LRRIQ1: variants seen among roughly 807,000 people sequenced by gnomAD.
LRRIQ1 encodes leucine-rich repeat- and IQ domain-containing protein 1.
Under a neutral mutation model 211.9 loss-of-function variants are expected in LRRIQ1, and 210 were observed. The observed-to-expected ratio is 0.99, with a 90% CI of 0.89 to 1.11. The LOEUF is 1.11. LRRIQ1 is among the 50% of genes most tolerant of loss of function. The pLI is 0.00. For missense variants in LRRIQ1, 2,136 were observed against 1,939.5 expected, an observed-to-expected ratio of 1.10 and a Z score of -1.90; for synonymous variants, 699 against 650.1, an observed-to-expected ratio of 1.08 and a Z score of -1.14.
intron 19 of LRRIQ1, among the ~76,000 whole-genome samples, chr12:85,139,992 TCTC>T (rs1394428388): frequency 1.4e-5 from 2 of 143,410 alleles, no homozygotes; most frequent in South Asian, 2.2e-4. Flanking sequence ...AGCTATTTAT[TCTC>T]AGGAAAAAAA....
chr12:85,063,113 C>A (rs1882034605), intron 8 of LRRIQ1, among the ~76,000 whole-genome samples: 1 of 151,584 alleles, frequency 6.6e-6, no homozygotes, highest in Admixed American at 6.6e-5. Context: ...TTGTCCGGTG[C>A]ATAGTCTACA....
intron 5 of LRRIQ1, among the ~76,000 whole-genome samples, chr12:85,047,014 AG>A (rs1879674773): frequency 1.1e-5 from 1 of 95,094 alleles, no homozygotes; most frequent in African/African-American, 3.8e-5. Flanking sequence ...GGGTTGGGGG[AG>A]GGGGGAGGGA....
chr12:85,056,063 A>G lies in LRRIQ1; in HGVS notation c.1270A>G (p.Lys424Glu). The change falls in exon 8 of 27, where the codon AAA becomes GAA. Residue 424 changes from lysine (K) to glutamate (E), a missense_variant. Coordinates refer to ENST00000393217, the MANE Select transcript of LRRIQ1 (RefSeq NM_001079910.2). Reference sequence around the variant, plus strand: ...TTCAAATGATAAGGGTGATATAGCCAAAAATCTAGTGGATGAAAATTCAAA... The same window carrying G: ...TTCAAATGATAAGGGTGATATAGCCGAAAATCTAGTGGATGAAAATTCAAA... ...DISNDKGDIA[K>E]NLVDENSKKQ... 1 of 1,596,068 alleles carries G rather than the reference A, an allele frequency of 6.3e-7. No homozygotes were observed. The highest frequency in any genetic ancestry group is 8.5e-7 in the Non-Finnish European group (1 of 1,175,190).
In LRRIQ1 at chr12:85,147,318, C is replaced by T. The variant is rs188865260; in HGVS notation, c.4330-4962C>T. 2.6e-3 allele frequency among the ~76,000 whole-genome samples: 391 copies of T among 151,872 alleles called. 4 individuals carry two copies. The highest frequency in any genetic ancestry group is 9.3e-3 in the African/African-American group (384 of 41,508). The stretch of plus-strand genomic sequence containing the variant: ...CTATAAGACAAATGAGAAAATTTTT[C>T]AGGAATCACAAGTCTGATATAAAAA... On this transcript the variant is annotated intron_variant, in intron 19 of 26. Transcript: ENST00000393217.
intron 24 of LRRIQ1, among the ~76,000 whole-genome samples, chr12:85,193,747 G>A (rs966154678): frequency 6.6e-6 from 1 of 151,090 alleles, no homozygotes; most frequent in Admixed American, 6.6e-5. Flanking sequence ...ATCGAGACTA[G>A]GAAGAAACTG....
chr12:85,111,973 C>G (rs1180673757), intron 15 of LRRIQ1, among the ~76,000 whole-genome samples: 2 of 138,120 alleles, frequency 1.4e-5, no homozygotes, highest in African/African-American at 5.0e-5. Context: ...CACACACTCT[C>G]TCTCTCAATT....
At chr12:85,110,353 T>C (rs1339310573) in intron 15 of LRRIQ1, among the ~76,000 whole-genome samples, 2 of 152,146 alleles carry the variant, frequency 1.3e-5, no homozygotes, top group African/African-American at 4.8e-5. Flanking sequence ...ATTCACTCTG[T>C]GCTCAACACT....
downstream of LRRIQ1, among the ~76,000 whole-genome samples, chr12:85,269,438 C>T (rs927733685): frequency 4.6e-5 from 7 of 151,966 alleles, no homozygotes; most frequent in Non-Finnish European, 1.0e-4. Flanking sequence ...GAAGTCTCTA[C>T]TTAATGGGTA....
chr12:85,113,504 A>G (rs996268451), intron 15 of LRRIQ1, among the ~76,000 whole-genome samples: 1 of 152,134 alleles, frequency 6.6e-6, no homozygotes, highest in Non-Finnish European at 1.5e-5. Flanking sequence ...TGCTTCGGTT[A>G]CATAGTACCA....
At chr12:85,139,270 A>G (rs563353048) in intron 19 of LRRIQ1, among the ~76,000 whole-genome samples, 2 of 151,518 alleles carry the variant, frequency 1.3e-5, no homozygotes, top group African/African-American at 2.4e-5. Flanking sequence ...CAAAAAGGGC[A>G]TCAACTGTAG....
rs1592786308 is a variant in LRRIQ1 at position 85,095,612 on chromosome 12, G to A, written c.2888-2743G>A. On this transcript the variant is annotated intron_variant, in intron 11 of 26. Coordinates refer to ENST00000393217, the MANE Select transcript of LRRIQ1 (RefSeq NM_001079910.2). ...GTTGTTCTGTCACTGCCAGATTTTG[G>A]TATTAGAGTGATGCTGGCTTCATAA... Among the ~76,000 whole-genome samples, 3 of 152,088 alleles carry A rather than the reference G, an allele frequency of 2.0e-5. No individual in the cohort carries two copies. The South Asian group carries it at 6.2e-4, about 32-fold the overall frequency.
chr12:85,186,530 T>G (rs747352025), intron 24 of LRRIQ1, among the ~76,000 whole-genome samples: 6 of 152,160 alleles, frequency 3.9e-5, no homozygotes, highest in African/African-American at 7.2e-5. Flanking sequence ...CATAGATTTG[T>G]CAGCCCCTTT....
At chr12:85,200,090 C>G (rs573537241) in intron 24 of LRRIQ1, among the ~76,000 whole-genome samples, 3 of 152,224 alleles carry the variant, frequency 2.0e-5, no homozygotes, top group African/African-American at 7.2e-5. Flanking sequence ...ATTGATTCTT[C>G]CTATGCATGA....
At chr12:85,137,781 A>G in intron 18 of LRRIQ1, 69 bp from the exon 19 acceptor site, 1 of 1,340,020 alleles carries the variant, frequency 7.5e-7, no homozygotes, top group Non-Finnish European at 1.0e-6. Flanking sequence ...TCCTAATGGG[A>G]TAACACAGAT....
At chr12:85,076,652 C>A in intron 11 of LRRIQ1, 1 of 447,376 alleles carries the variant, frequency 2.2e-6, no homozygotes, top group Non-Finnish European at 3.0e-6. Flanking sequence ...ATTGCTGTGT[C>A]GTGGCTCATA....
chr12:85,174,275 A>T (rs1891571107), intron 24 of LRRIQ1, among the ~76,000 whole-genome samples: 1 of 152,078 alleles, frequency 6.6e-6, no homozygotes, highest in Non-Finnish European at 1.5e-5. Context: ...AAATAAAAAA[A>T]ACTTGGCAGA....
In LRRIQ1 at chr12:85,038,212, A is replaced by G. The variant is rs1878420950; in HGVS notation, c.36A>G (p.Ile12Met). 1.9e-6 allele frequency: 3 copies of G among 1,582,904 alleles called. No homozygotes were observed. Among genetic ancestry groups the G allele is most frequent in the Admixed American group, 1.8e-5 (1 of 56,750 alleles). The stretch of plus-strand genomic sequence containing the variant: ...ATGATGCAAAGCTCAAAGCAGAAAT[A>G]GAAGCTGAATTGGATAAACTCAGCA... ...DDDDAKLKAEIEAELDKLSIS... is the reference protein window; with the variant it reads ...DDDDAKLKAEMEAELDKLSIS... Residue 12 changes from isoleucine (I) to methionine (M), a missense_variant, in exon 2 of 27, where the codon ATA becomes ATG. Coordinates refer to ENST00000393217, the MANE Select transcript of LRRIQ1 (RefSeq NM_001079910.2).
chr12:85,233,307 G>A (rs926976461), intron 26 of LRRIQ1, among the ~76,000 whole-genome samples: 1 of 151,858 alleles, frequency 6.6e-6, no homozygotes, highest in African/African-American at 2.4e-5. Context: ...TAAGCAGAAG[G>A]AGAATGGTCA....
At chr12:85,155,138 A>G (rs553061848) in intron 23 of LRRIQ1, among the ~76,000 whole-genome samples, 24 of 151,666 alleles carry the variant, frequency 1.6e-4, no homozygotes, top group Non-Finnish European at 3.0e-4. Flanking sequence ...TCATTTTTAT[A>G]TTCTGAAGTG....
Sources: gnomAD v4.1 joint callset for allele counts (sites outside exome capture counted in the v4.1 genomes callset) on GRCh38, gnomAD v4.1.1 for gene constraint, MANE v1.5 for transcripts, NCBI Gene and HGNC (gene_info 2026-07-23, HGNC 2026-07-21) for gene names.